The following DOCK4 variants were observed in gnomAD, a reference collection of about 807,000 sequenced individuals.
DOCK4 encodes the protein dedicator of cytokinesis protein 4.
A neutral mutation model predicts 268.1 loss-of-function variants in DOCK4; 97 were observed. The observed-to-expected ratio is 0.36, with a 90% confidence interval of 0.31 to 0.43. The LOEUF (loss-of-function observed/expected upper bound fraction) is 0.43, where lower values mean the gene tolerates loss of function less well. Ranked by LOEUF, DOCK4 falls within the 20% of genes least tolerant of loss-of-function variation. DOCK4 has a pLI of 1.00. For synonymous variants in DOCK4, 954 were observed against 887.2 expected (o/e 1.08, Z -1.34); for missense variants, 2,145 against 2,455.7 (o/e 0.87, Z 2.67).
At chr7:112,113,496 C>G (rs1392224251) in intron 1 of DOCK4, among the ~76,000 whole-genome samples, 1 of 151,962 alleles carries the variant, frequency 6.6e-6, no homozygotes, top group Non-Finnish European at 1.5e-5. Flanking sequence ...ATAAAAGTCT[C>G]CCCCAAGTAG....
intron 30 of DOCK4, among the ~76,000 whole-genome samples, chr7:111,792,697 T>A (rs755633975): frequency 1.3e-5 from 2 of 152,110 alleles, no homozygotes; most frequent in African/African-American, 2.4e-5. Flanking sequence ...GGGTTTTTTT[T>A]AAGTAACATG....
chr7:111,788,871 C>A, intron 31 of DOCK4, 124 bp from the exon 32 acceptor site: 1 of 826,908 alleles, frequency 1.2e-6, no homozygotes, highest in Non-Finnish European at 2.0e-6. Flanking sequence ...GTGACATTAT[C>A]AGCTACGGTT....
intron 44 of DOCK4, among the ~76,000 whole-genome samples, chr7:111,745,401 G>T (rs570787542): frequency 6.6e-5 from 10 of 152,120 alleles, no homozygotes; most frequent in Non-Finnish European, 1.0e-4. Flanking sequence ...AGTTGGCATC[G>T]GCCAGGCGCG....
intron 23 of DOCK4, among the ~76,000 whole-genome samples, chr7:111,860,451 C>T (rs1805412056): frequency 6.6e-6 from 1 of 152,230 alleles, no homozygotes; most frequent in South Asian, 2.1e-4. Context: ...CAAGCCACAT[C>T]CTGCTGCGGC....
intron 35 of DOCK4, 107 bp from the exon 36 acceptor site, chr7:111,778,476 C>T (rs945848501): frequency 1.8e-5 from 10 of 566,346 alleles, no homozygotes; most frequent in Admixed American, 1.0e-4. Context: ...AGAACGGATT[C>T]ATTTTTCCAT....
intron 13 of DOCK4, among the ~76,000 whole-genome samples, chr7:111,911,492 A>G (rs999649668): frequency 2.0e-5 from 3 of 152,118 alleles, no homozygotes; most frequent in African/African-American, 7.2e-5. Flanking sequence ...AAAAAAAGAG[A>G]AGGAAGTGCT....
chr7:112,198,186 T>A (rs1820627022), intron 1 of DOCK4, among the ~76,000 whole-genome samples: 1 of 151,970 alleles, frequency 6.6e-6, no homozygotes, highest in Non-Finnish European at 1.5e-5. Flanking sequence ...CATGATGGGA[T>A]TCGTGACCTT....
chr7:112,173,543 C>T (rs11768012), intron 1 of DOCK4, among the ~76,000 whole-genome samples: 15,319 of 152,082 alleles, frequency 0.1, 953 homozygotes, highest in South Asian at 0.14. Context: ...CTTTTATGGG[C>T]GGTCAGCAGC....
At chr7:112,081,385 C>CA (rs1808567840) in intron 1 of DOCK4, among the ~76,000 whole-genome samples, 1 of 152,082 alleles carries the variant, frequency 6.6e-6, no homozygotes, top group Non-Finnish European at 1.5e-5. Context: ...CTGGTTATTA[C>CA]AGTCACAAAT....
At chr7:112,117,769 T>C (rs773750517) in intron 1 of DOCK4, among the ~76,000 whole-genome samples, 7 of 152,212 alleles carry the variant, frequency 4.6e-5, no homozygotes, top group Non-Finnish European at 1.0e-4. Flanking sequence ...TTGTATGGCA[T>C]GGTGATTTTT....
At chr7:112,017,472 G>A (rs916160314) in intron 1 of DOCK4, among the ~76,000 whole-genome samples, 1 of 152,160 alleles carries the variant, frequency 6.6e-6, no homozygotes, top group Non-Finnish European at 1.5e-5. Context: ...AGGCAATATA[G>A]TATGGGAGAG....
chr7:111,762,184 T>C (rs1797448935), intron 39 of DOCK4, among the ~76,000 whole-genome samples: 1 of 152,024 alleles, frequency 6.6e-6, no homozygotes, highest in African/African-American at 2.4e-5. Flanking sequence ...TCAGTACTCT[T>C]TTTTTTTCTA....
intron 1 of DOCK4, among the ~76,000 whole-genome samples, chr7:112,095,211 CAAAGAAAGACAATGAAATT>C (rs1028670240): frequency 2.0e-4 from 31 of 151,882 alleles, no homozygotes; most frequent in African/African-American, 7.5e-4. Context: ...AAGGAGGAGT[CAAAGAAAGACAATGAAATT>C]GAGTTGAGAG....
At chr7:111,851,251 T>C (rs1804522120) in intron 23 of DOCK4, among the ~76,000 whole-genome samples, 1 of 152,050 alleles carries the variant, frequency 6.6e-6, no homozygotes, top group African/African-American at 2.4e-5. Flanking sequence ...GAGCCCATGC[T>C]GGCTAACACA....
chr7:111,818,948 G>A (rs1032023075), intron 27 of DOCK4, among the ~76,000 whole-genome samples: 3 of 152,202 alleles, frequency 2.0e-5, no homozygotes, highest in East Asian at 1.9e-4. Context: ...CTCATATCAC[G>A]GTGCTCTTTG....
Position 111,728,478 on chromosome 7 carries a change from A to G in DOCK4, c.5724T>C (p.Thr1908=). The change falls in exon 53 of 53, where the codon ACT becomes ACC. Residue 1908 remains threonine (T), a synonymous_variant. Transcript: ENST00000428084. ...GEEPVRKESK[T]PPPYSVYERT... ...GCTCGTAGACGCTGTACGGGGGCGG[A>G]GTCTTGCTCTCCTTGCGCACTGGCT... 6.2e-7 allele frequency: 1 copy of G among 1,612,282 alleles called. No homozygotes were observed. The highest frequency in any genetic ancestry group is 1.7e-4 in the Middle Eastern group (1 of 6,058).
rs1296084860 is a variant in DOCK4 at position 111,844,635 on chromosome 7, T to C, written c.2736+128A>G. 31 of 1,234,228 alleles carry C rather than the reference T, an allele frequency of 2.5e-5. No homozygotes were observed. The East Asian group carries it at 7.4e-4, about 29-fold the overall frequency. The allele number at this position is 1,234,228 out of a possible 1,614,324, so 76.5% of individuals were successfully genotyped here. On this transcript the variant is annotated intron_variant, in intron 25 of 52. Transcript: ENST00000428084. ...CTTGTAAAATTAAGGTAACCTCATA[T>C]GATTTTGAAATGCTGATGGGTTACT...
chr7:112,088,797 AG>A (rs938378066), intron 1 of DOCK4, among the ~76,000 whole-genome samples: 1 of 152,110 alleles, frequency 6.6e-6, no homozygotes, highest in Non-Finnish European at 1.5e-5. Flanking sequence ...GCCCTTAGGA[AG>A]GTTCCTTAAC....
intron 1 of DOCK4, among the ~76,000 whole-genome samples, chr7:112,105,846 G>A (rs909143467): frequency 6.6e-6 from 1 of 152,042 alleles, no homozygotes; most frequent in African/African-American, 2.4e-5. Context: ...AAGCCACAAT[G>A]TCTGGCTAAT....
Sources: gnomAD v4.1 joint callset for allele counts (sites outside exome capture counted in the v4.1 genomes callset) on GRCh38, gnomAD v4.1.1 for gene constraint, MANE v1.5 for transcripts, NCBI Gene and HGNC (gene_info 2026-07-23, HGNC 2026-07-21) for gene names.